DDX60: variants seen among roughly 807,000 people sequenced by gnomAD.
DDX60 encodes DExD/H-box helicase 60, also known as probable ATP-dependent RNA helicase DDX60.
A neutral mutation model predicts 212.8 loss-of-function variants in DDX60; 165 were observed. The observed-to-expected ratio is 0.78, with a 90% CI of 0.68 to 0.88. The LOEUF (loss-of-function observed/expected upper bound fraction) is 0.88. DDX60 is among the 40% of genes least tolerant of loss of function. The probability of loss-of-function intolerance (pLI) is 0.00; values close to 1 mark genes in which losing one functional copy is unlikely to be tolerated. For synonymous variants in DDX60, 703 were observed against 685.3 expected, an observed-to-expected ratio of 1.03 and a Z score of -0.40; for missense variants, 1,905 against 2,003.9, an observed-to-expected ratio of 0.95 and a Z score of 0.94.
chr4:168,224,260 G>A lies in DDX60; in HGVS notation c.4807C>T (p.Leu1603=), dbSNP rs1048875311. ...SGNFDDDLLR[L]ETPNHVTLGT... ...TCACTTACATGGTTTGGAGTTTCTA[G>A]TCGAAGCAAATCATCATCAAAGTTC... The change falls in exon 35 of 38, where the codon CTA becomes TTA. Residue 1603 remains leucine (L), a synonymous_variant. Coordinates refer to ENST00000393743, the MANE Select transcript of DDX60 (RefSeq NM_017631.6). 1 of 1,612,238 alleles carries A rather than the reference G, an allele frequency of 6.2e-7. No homozygotes were observed. The highest frequency in any genetic ancestry group is 8.5e-7 in the Non-Finnish European group (1 of 1,178,848).
chr4:168,291,665 C>T, intron 8 of DDX60, 83 bp downstream of exon 8: 1 of 1,326,754 alleles, frequency 7.5e-7, no homozygotes, highest in Non-Finnish European at 1.0e-6. Flanking sequence ...AGTAGTCCCA[C>T]ATAAGAGAAT....
At position 168,288,174 on chromosome 4, in the gene DDX60, C is replaced by T. The variant is rs540981064; in HGVS notation, c.1183G>A (p.Gly395Ser). 3.4e-6 allele frequency: 5 copies of T among 1,473,132 alleles called. No individual in the cohort carries two copies. The highest frequency in any genetic ancestry group is 1.4e-5 in the African/African-American group (1 of 69,552). The allele number at this position is 1,473,132 out of a possible 1,614,324, so 91.3% of individuals were successfully genotyped here. Residue 395 changes from glycine (G) to serine (S), a missense_variant and splice_region_variant, in exon 9 of 38, where the codon GGC becomes AGC. By Grantham distance (56) the Gly-to-Ser change is moderately conservative. Transcript: ENST00000393743. The part of the protein sequence containing the change: ...AFYYENENVK[G>S]LHLNLGDTIM... Reference sequence around the variant, plus strand: ...TGATTATAATATACTGAGATGGTACCTTTTACATTTTCATTTTCATAGTAA... The same window carrying T: ...TGATTATAATATACTGAGATGGTACTTTTTACATTTTCATTTTCATAGTAA...
intron 7 of DDX60, 143 bp from the exon 8 acceptor site, chr4:168,292,049 C>CTTTCCTTTTTTTT (rs58664687): frequency 1.3e-5 from 4 of 303,592 alleles, no homozygotes; most frequent in Non-Finnish European, 1.7e-5. Flanking sequence ...TTCTTTCTTT[C>CTTTCCTTTTTTTT]TTTTTTTTTT....
chr4:168,245,265 AT>A (rs1560823803), intron 30 of DDX60, among the ~76,000 whole-genome samples: 1 of 152,214 alleles, frequency 6.6e-6, no homozygotes, highest in Admixed American at 6.5e-5. Context: ...ACAGAAAAAA[AT>A]ATCAAGTTAA....
At chr4:168,300,326 G>A (rs1481388570) in intron 6 of DDX60, among the ~76,000 whole-genome samples, 2 of 152,134 alleles carry the variant, frequency 1.3e-5, no homozygotes, top group Admixed American at 1.3e-4. Context: ...CAGATCACGA[G>A]TTCAGTAGTT....
chr4:168,315,697 T>C (rs917130512), intron 1 of DDX60, among the ~76,000 whole-genome samples: 2 of 152,216 alleles, frequency 1.3e-5, no homozygotes, highest in East Asian at 1.9e-4. Flanking sequence ...TGTTCCTGTG[T>C]TAGTTTGCTG....
intron 37 of DDX60, among the ~76,000 whole-genome samples, chr4:168,219,501 G>C (rs1732973790): frequency 6.6e-6 from 1 of 151,948 alleles, no homozygotes; most frequent in South Asian, 2.1e-4. Flanking sequence ...GCCACTCAAG[G>C]AATACCCTAT....
At chr4:168,222,278 CAA>C (rs1307000585) in intron 35 of DDX60, among the ~76,000 whole-genome samples, 2 of 152,056 alleles carry the variant, frequency 1.3e-5, no homozygotes, top group African/African-American at 4.8e-5. Flanking sequence ...ACAACTCTAA[CAA>C]TCTTGGGAAC....
chr4:168,288,116 A>T, intron 9 of DDX60, 58 bp downstream of exon 9: 1 of 1,156,218 alleles, frequency 8.6e-7, no homozygotes. Context: ...GTAGTTTTAA[A>T]TTCCTTATAA....
chr4:168,277,767 C>T (rs1256254666), intron 14 of DDX60, among the ~76,000 whole-genome samples: 1 of 148,880 alleles, frequency 6.7e-6, no homozygotes, highest in Non-Finnish European at 1.5e-5. Flanking sequence ...CGAGATAGTG[C>T]CACTGCACTG....
intron 17 of DDX60, 150 bp from the exon 18 acceptor site, chr4:168,273,548 C>T: frequency 1.2e-6 from 1 of 844,850 alleles, no homozygotes; most frequent in Non-Finnish European, 1.8e-6. Context: ...AACACACTAA[C>T]ATATTCTCTT....
At chr4:168,266,436 T>G (rs1734851968) in intron 22 of DDX60, among the ~76,000 whole-genome samples, 1 of 152,142 alleles carries the variant, frequency 6.6e-6, no homozygotes, top group South Asian at 2.1e-4. Flanking sequence ...GTAAACAACT[T>G]AAGCAGTAAG....
intron 6 of DDX60, among the ~76,000 whole-genome samples, chr4:168,299,171 A>G (rs1736540833): frequency 6.6e-6 from 1 of 151,318 alleles, no homozygotes; most frequent in Non-Finnish European, 1.5e-5. Flanking sequence ...AAAAAAAAAA[A>G]AAAAAAAAAA....
chr4:168,242,957 T>C (rs985788549), intron 30 of DDX60, among the ~76,000 whole-genome samples: 1 of 152,002 alleles, frequency 6.6e-6, no homozygotes, highest in African/African-American at 2.4e-5. Context: ...TGGGGGCGGG[T>C]CTTTCCCATG....
At chr4:168,238,880 C>A (rs536101486) in intron 30 of DDX60, among the ~76,000 whole-genome samples, 2 of 152,122 alleles carry the variant, frequency 1.3e-5, no homozygotes, top group South Asian at 2.1e-4. Flanking sequence ...CAGAAAACTA[C>A]ATAGATGAAG....
At position 168,267,644 on chromosome 4, in the gene DDX60, T is replaced by C. The variant is rs372726073; in HGVS notation, c.2977A>G (p.Ile993Val). Residue 993 changes from isoleucine (I) to valine (V), a missense_variant, in exon 22 of 38, where the codon ATA becomes GTA. Transcript: ENST00000393743. ...YNDLEKHVCS[I>V]KHGDIHFDHF... ...TCAAAATGAATGTCACCATGTTTTA[T>C]TGAACATACATGCTTCTCTAGATCA... is the stretch of plus-strand genomic sequence containing the variant. 108 of 1,604,350 alleles carry C rather than the reference T, an allele frequency of 6.7e-5. No homozygotes were observed. The African/African-American group carries it at 9.1e-4, about 13-fold the overall frequency.
At chr4:168,318,469 G>C (rs1269714119) in intron 1 of DDX60, among the ~76,000 whole-genome samples, 153 bp downstream of exon 1, 1 of 152,210 alleles carries the variant, frequency 6.6e-6, no homozygotes, top group Non-Finnish European at 1.5e-5. Flanking sequence ...CGTGCGCCAC[G>C]GCCTTGCGAT....
intron 14 of DDX60, among the ~76,000 whole-genome samples, chr4:168,277,231 C>T (rs964989917): frequency 6.6e-6 from 1 of 152,128 alleles, no homozygotes; most frequent in African/African-American, 2.4e-5. Context: ...TCCACAGCAG[C>T]TTTGGAAGAA....
intron 1 of DDX60, among the ~76,000 whole-genome samples, chr4:168,312,414 G>A (rs899152541): frequency 1.3e-5 from 2 of 152,144 alleles, no homozygotes; most frequent in Admixed American, 1.3e-4. Context: ...GGTAAATGAG[G>A]CCATTGGTGT....
Sources: gnomAD v4.1 joint callset for allele counts (sites outside exome capture counted in the v4.1 genomes callset) on GRCh38, gnomAD v4.1.1 for gene constraint, MANE v1.5 for transcripts, NCBI Gene and HGNC (gene_info 2026-07-23, HGNC 2026-07-21) for gene names.